SGSM1: variants seen among roughly 807,000 people sequenced by gnomAD.
SGSM1 encodes the protein small G protein signaling modulator 1, also known as RUN and TBC1 domain containing 2.
SGSM1 carries 73 observed loss-of-function variants against 133.8 expected under a neutral mutation model. The ratio of observed to expected loss-of-function variants is 0.55; its 90% CI spans 0.45 to 0.66. The LOEUF (loss-of-function observed/expected upper bound fraction) is 0.66, where lower values mean the gene tolerates loss of function less well. Among genes scored for constraint, SGSM1 ranks in the 30% least tolerant of loss-of-function variants. SGSM1 has a pLI of 0.00. For synonymous variants in SGSM1, 563 were observed against 573.0 expected (o/e 0.98, Z 0.25); for missense variants, 1,213 against 1,448.1 (o/e 0.84, Z 2.64).
At position 24,893,545 on chromosome 22, in the gene SGSM1, T is replaced by A. The variant is rs949742952; in HGVS notation, c.1885T>A (p.Ser629Thr). ...CCATGCGGCCGCCCTGGCCAAATGCTCATCCGGGGCCAGCTTGGACAGCCA... is the reference window on the plus strand; with the variant it reads ...CCATGCGGCCGCCCTGGCCAAATGCACATCCGGGGCCAGCTTGGACAGCCA... ...ESHAAALAKC[S>T]SGASLDSHLH... The change falls in exon 17 of 25, where the codon TCA (serine) becomes ACA (threonine). Residue 629 changes from serine (S) to threonine (T), a missense_variant. Physicochemically the swap from Ser to Thr is moderately conservative, Grantham distance 58 (BLOSUM62 1). Coordinates refer to ENST00000400358, the MANE Select transcript of SGSM1 (RefSeq NM_001098497.3). 1.9e-6 allele frequency: 3 copies of A among 1,607,714 alleles called. No homozygotes were observed. Among genetic ancestry groups the A allele is most frequent in the Non-Finnish European group, 2.5e-6 (3 of 1,177,212 alleles).
intron 2 of SGSM1, among the ~76,000 whole-genome samples, chr22:24,826,130 AG>A (rs1255125425): frequency 6.6e-6 from 1 of 152,268 alleles, no homozygotes; most frequent in Non-Finnish European, 1.5e-5. Flanking sequence ...GCCTGAAAAT[AG>A]GTTTGCCAGT....
chr22:24,901,875 G>A lies in SGSM1; in HGVS notation c.2653G>A (p.Glu885Lys), dbSNP rs1457543789. The change falls in exon 20 of 25, where the codon GAG (glutamate) becomes AAG (lysine). Residue 885 changes from glutamate (E) to lysine (K), a missense_variant. Transcript: ENST00000400358. ...DLYTVNLHRI[E>K]KDVQRCDRNY... ...GTACACGGTGAACCTGCACCGCATC[G>A]AGAAGGATGTGCAGAGGTGCGACCG... 1 of 1,611,938 alleles carries A rather than the reference G, an allele frequency of 6.2e-7. No homozygotes were observed. Among genetic ancestry groups the A allele is most frequent in the Non-Finnish European group, 8.5e-7 (1 of 1,179,198 alleles).
chr22:24,842,718 C>T (rs115790289), intron 2 of SGSM1, among the ~76,000 whole-genome samples: 182 of 152,228 alleles, frequency 1.2e-3, no homozygotes, highest in African/African-American at 3.8e-3. Context: ...CCTGAACCAG[C>T]GACATTCCAG....
chr22:24,912,842 C>A, intron 22 of SGSM1, 90 bp downstream of exon 22: 2 of 797,502 alleles, frequency 2.5e-6, no homozygotes, highest in Non-Finnish European at 4.1e-6. Flanking sequence ...TTAGAGCCCA[C>A]CTGGATTGGA....
chr22:24,884,000 G>C, intron 14 of SGSM1, 53 bp from the exon 15 acceptor site: 3 of 1,520,088 alleles, frequency 2.0e-6, no homozygotes, highest in Non-Finnish European at 1.8e-6. Context: ...CATGAGACAA[G>C]GTGAGGGGCT....
chr22:24,888,056 T>C (rs911229792), intron 16 of SGSM1, among the ~76,000 whole-genome samples: 1 of 152,224 alleles, frequency 6.6e-6, no homozygotes, highest in Non-Finnish European at 1.5e-5. Context: ...TGGTTTTTTT[T>C]CCTGTGGAGT....
intron 6 of SGSM1, 95 bp from the exon 7 acceptor site, chr22:24,855,190 G>A: frequency 6.5e-7 from 1 of 1,549,244 alleles, no homozygotes; most frequent in Non-Finnish European, 8.7e-7. Flanking sequence ...CTAGCTGGCT[G>A]GAGGGGAGGG....
At chr22:24,886,451 C>T in intron 15 of SGSM1, 149 bp from the exon 16 acceptor site, 1 of 1,010,318 alleles carries the variant, frequency 9.9e-7, no homozygotes. Flanking sequence ...CGCCTGTAAT[C>T]CCAGCACTTT....
chr22:24,898,541 C>T lies in SGSM1; in HGVS notation c.2592C>T (p.Ser864=). The change falls in exon 19 of 25, where the codon TCC becomes TCT. Residue 864 remains serine (S), a synonymous_variant. Coordinates refer to ENST00000400358, the MANE Select transcript of SGSM1 (RefSeq NM_001098497.3). The part of the protein sequence containing the change: ...TSANEVSPVS[S]SGVTYSPELL... ...CCAACGAGGTGTCCCCTGTGTCTTC[C>T]AGCGGCGTCACCTACTCTGTAAGTC... is the stretch of plus-strand genomic sequence containing the variant. 6.2e-7 allele frequency: 1 copy of T among 1,607,008 alleles called. No individual in the cohort carries two copies. Among genetic ancestry groups the T allele is most frequent in the Non-Finnish European group, 8.5e-7 (1 of 1,176,096 alleles).
intron 15 of SGSM1, among the ~76,000 whole-genome samples, chr22:24,885,680 C>T (rs1475552620): frequency 6.6e-6 from 1 of 152,118 alleles, no homozygotes; most frequent in Non-Finnish European, 1.5e-5. Flanking sequence ...CCTCGGTCTC[C>T]CAAAGTGCTG....
intron 9 of SGSM1, among the ~76,000 whole-genome samples, chr22:24,866,807 C>A (rs569535845): frequency 6.6e-6 from 1 of 152,268 alleles, no homozygotes; most frequent in South Asian, 2.1e-4. Flanking sequence ...GGTTGATTGG[C>A]CAGGCCTGGG....
Position 24,888,506 on chromosome 22 carries a change from G to A in SGSM1, c.1770+1778G>A, listed in dbSNP as rs138082767. ...GCTGGGGCCGGGCACGGTGGCTCAC[G>A]TCTATAATCCCAGCACTTTGGGAGG... On this transcript the variant is annotated intron_variant, in intron 16 of 24. Coordinates refer to ENST00000400358, the MANE Select transcript of SGSM1 (RefSeq NM_001098497.3). Among the ~76,000 whole-genome samples the A allele has an allele frequency of 5.6e-3, 853 of 152,208 alleles. 9 individuals are homozygous for A. The highest frequency in any genetic ancestry group is 0.019 in the African/African-American group (798 of 41,532).
At chr22:24,861,141 T>C (rs1931127200) in intron 9 of SGSM1, among the ~76,000 whole-genome samples, 1 of 150,134 alleles carries the variant, frequency 6.7e-6, no homozygotes, top group Non-Finnish European at 1.5e-5. Flanking sequence ...GATCATGAGG[T>C]CAGGAGTTCA....
intron 19 of SGSM1, among the ~76,000 whole-genome samples, chr22:24,899,327 G>T (rs1392495527): frequency 6.6e-6 from 1 of 151,908 alleles, no homozygotes; most frequent in South Asian, 2.1e-4. Context: ...GTGTGTCCAA[G>T]GACTTCTCCC....
intron 4 of SGSM1, 75 bp downstream of exon 4, chr22:24,847,871 G>C: frequency 6.5e-7 from 1 of 1,535,352 alleles, no homozygotes; most frequent in Non-Finnish European, 8.8e-7. Flanking sequence ...TCCTGAGAGA[G>C]CCTGCAACCC....
chr22:24,914,838 G>A (rs1386378199), intron 22 of SGSM1, among the ~76,000 whole-genome samples: 1 of 152,000 alleles, frequency 6.6e-6, no homozygotes, highest in Non-Finnish European at 1.5e-5. Flanking sequence ...CATTTGATTT[G>A]GATCCATTTT....
chr22:24,874,652 G>A (rs1208202894), intron 12 of SGSM1: 2 of 1,473,498 alleles, frequency 1.4e-6, no homozygotes, highest in Admixed American at 4.9e-5. Flanking sequence ...TTTGAGTTCT[G>A]GTCCCAAGGG....
chr22:24,913,676 G>A (rs1252193053), intron 22 of SGSM1, among the ~76,000 whole-genome samples: 1 of 152,170 alleles, frequency 6.6e-6, no homozygotes, highest in Non-Finnish European at 1.5e-5. Context: ...AGGTAAAAGA[G>A]TAATATAATG....
At chr22:24,847,214 C>CA (rs979453049) in intron 3 of SGSM1, among the ~76,000 whole-genome samples, 10 of 151,808 alleles carry the variant, frequency 6.6e-5, no homozygotes, top group African/African-American at 2.2e-4. Context: ...TTTTCTAACT[C>CA]AAAAAAACAA....
Sources: gnomAD v4.1 joint callset for allele counts (sites outside exome capture counted in the v4.1 genomes callset) on GRCh38, gnomAD v4.1.1 for gene constraint, MANE v1.5 for transcripts, NCBI Gene and HGNC (gene_info 2026-07-23, HGNC 2026-07-21) for gene names.